AGBL4: variants seen among roughly 807,000 people sequenced by gnomAD.
The protein encoded by AGBL4 is AGBL carboxypeptidase 4.
A neutral mutation model predicts 66.4 loss-of-function variants in AGBL4; 58 were observed. The observed-to-expected ratio is 0.87, with a 90% CI of 0.71 to 1.09. The LOEUF is 1.09. Ranked by LOEUF, AGBL4 falls within the 50% of genes least tolerant of loss-of-function variation. AGBL4 has a pLI of 0.00. For missense variants in AGBL4, 579 were observed against 631.0 expected, an observed-to-expected ratio of 0.92 and a Z score of 0.88; for synonymous variants, 234 against 222.9, an observed-to-expected ratio of 1.05 and a Z score of -0.44.
intron 4 of AGBL4, among the ~76,000 whole-genome samples, chr1:49,067,898 C>A (rs927618192): frequency 6.0e-5 from 9 of 151,254 alleles, no homozygotes; most frequent in African/African-American, 9.7e-5. Context: ...TAATGCTATC[C>A]CTCCCCCAGC....
At chr1:48,804,636 T>G (rs1452175432) in intron 6 of AGBL4, among the ~76,000 whole-genome samples, 1 of 152,034 alleles carries the variant, frequency 6.6e-6, no homozygotes, top group Non-Finnish European at 1.5e-5. Flanking sequence ...AGAAGGGAGA[T>G]ATCATGGTGG....
rs370461228 is a variant in AGBL4 at position 49,809,642 on chromosome 1, A to T, written c.157+41754T>A. On this transcript the variant is annotated intron_variant, in intron 2 of 13. Coordinates refer to ENST00000371839, the MANE Select transcript of AGBL4 (RefSeq NM_032785.4). ...CGTATTGCACATTTAAAAATGTGTT[A>T]CAAGGGTAAGTCTCATGTTAATTGT... is the stretch of plus-strand genomic sequence containing the variant. 2.6e-5 allele frequency among the ~76,000 whole-genome samples: 4 copies of T among 152,328 alleles called. No individual in the cohort carries two copies. In the East Asian group the frequency reaches 7.7e-4, roughly 29 times the overall value.
chr1:49,751,843 G>A (rs938188237), intron 2 of AGBL4, among the ~76,000 whole-genome samples: 1 of 151,886 alleles, frequency 6.6e-6, no homozygotes. Context: ...ATTTCTTCTA[G>A]ATTTTCTGGT....
At chr1:49,810,867 T>G (rs1490755509) in intron 2 of AGBL4, among the ~76,000 whole-genome samples, 3 of 152,098 alleles carry the variant, frequency 2.0e-5, no homozygotes, top group Admixed American at 1.3e-4. Flanking sequence ...ATTGAAAAGG[T>G]AGACACCTGA....
At chr1:48,659,802 C>G (rs913244942) in intron 7 of AGBL4, among the ~76,000 whole-genome samples, 1 of 152,214 alleles carries the variant, frequency 6.6e-6, no homozygotes, top group South Asian at 2.1e-4. Context: ...GCCATGTGCT[C>G]CATTAGTGCT....
At chr1:48,942,373 C>G (rs1925423) in intron 5 of AGBL4, among the ~76,000 whole-genome samples, 1 of 151,376 alleles carries the variant, frequency 6.6e-6, no homozygotes, top group Non-Finnish European at 1.5e-5. Context: ...GATTTGAGTT[C>G]TAAATTAATA....
intron 4 of AGBL4, among the ~76,000 whole-genome samples, chr1:49,190,918 T>G (rs1318609575): frequency 6.6e-6 from 1 of 152,208 alleles, no homozygotes; most frequent in Non-Finnish European, 1.5e-5. Flanking sequence ...CTGCCTCTTT[T>G]GGAATTAATG....
intron 2 of AGBL4, among the ~76,000 whole-genome samples, chr1:49,731,458 C>T (rs566540166): frequency 6.0e-4 from 92 of 152,110 alleles, no homozygotes; most frequent in South Asian, 1.2e-3. Context: ...ACACAGCAGA[C>T]GAATAATAAA....
At chr1:49,309,023 G>T (rs1275218722) in intron 3 of AGBL4, among the ~76,000 whole-genome samples, 1 of 152,080 alleles carries the variant, frequency 6.6e-6, no homozygotes, top group Admixed American at 6.6e-5. Flanking sequence ...TTGACAGTTT[G>T]ATATTGACCA....
intron 4 of AGBL4, among the ~76,000 whole-genome samples, chr1:49,180,313 C>G (rs188998081): frequency 6.6e-6 from 1 of 152,158 alleles, no homozygotes; most frequent in Non-Finnish European, 1.5e-5. Flanking sequence ...TACTTATCAA[C>G]GACTAGCACA....
intron 5 of AGBL4, among the ~76,000 whole-genome samples, chr1:48,897,736 A>C (rs189588855): frequency 4.8e-5 from 7 of 146,852 alleles, no homozygotes; most frequent in African/African-American, 1.8e-4. Flanking sequence ...AATGTTGAGC[A>C]TTTTTTCATA....
In AGBL4 at chr1:48,871,398, T is replaced by C. The variant is rs928490540; in HGVS notation, c.595-4168A>G. On this transcript the variant is annotated intron_variant, in intron 5 of 13. Transcript: ENST00000371839. ...GTGTGTGTGTGTGTTTGTGTGTGTA[T>C]GTGCGTTTGGGGTCGGGGAGAGGAC... Among the ~76,000 whole-genome samples the C allele has an allele frequency of 2.0e-5, 3 of 151,910 alleles. No individual in the cohort carries two copies. In the East Asian group the frequency reaches 5.8e-4, roughly 29 times the overall value.
chr1:49,371,910 C>T (rs1368296009), intron 3 of AGBL4, among the ~76,000 whole-genome samples: 1 of 150,780 alleles, frequency 6.6e-6, no homozygotes, highest in Non-Finnish European at 1.5e-5. Context: ...GTGTCTCAGA[C>T]CTCCAAAAGG....
At chr1:49,090,658 T>G (rs1247419917) in intron 4 of AGBL4, among the ~76,000 whole-genome samples, 1 of 152,196 alleles carries the variant, frequency 6.6e-6, no homozygotes, top group East Asian at 1.9e-4. Flanking sequence ...GTGACCATAC[T>G]GCCCAAAGCA....
At chr1:49,347,255 T>TC (rs1383054305) in intron 3 of AGBL4, among the ~76,000 whole-genome samples, 7 of 145,344 alleles carry the variant, frequency 4.8e-5, no homozygotes, top group African/African-American at 1.3e-4. Flanking sequence ...TTTCTTTCTT[T>TC]TTTTTTTTTT....
At chr1:49,080,619 AAGTT>A (rs1644792853) in intron 4 of AGBL4, among the ~76,000 whole-genome samples, 1 of 151,446 alleles carries the variant, frequency 6.6e-6, no homozygotes, top group African/African-American at 2.4e-5. Context: ...ATAATGAAAA[AAGTT>A]AGAGAGAGGA....
intron 3 of AGBL4, among the ~76,000 whole-genome samples, chr1:49,659,306 C>A (rs757064658): frequency 6.6e-6 from 1 of 152,112 alleles, no homozygotes; most frequent in Non-Finnish European, 1.5e-5. Context: ...CAATTTCACA[C>A]ATAATAATAT....
chr1:49,534,907 A>G (rs1201181779), intron 3 of AGBL4, among the ~76,000 whole-genome samples: 2 of 152,272 alleles, frequency 1.3e-5, no homozygotes, highest in Non-Finnish European at 2.9e-5. Context: ...ACATTGAAAC[A>G]ATGATAAGAA....
intron 3 of AGBL4, among the ~76,000 whole-genome samples, chr1:49,486,416 T>C (rs929155419): frequency 6.6e-6 from 1 of 151,974 alleles, no homozygotes; most frequent in African/African-American, 2.4e-5. Context: ...CCACAAAGAA[T>C]CTTAAAAACT....
Sources: gnomAD v4.1 joint callset for allele counts (sites outside exome capture counted in the v4.1 genomes callset) on GRCh38, gnomAD v4.1.1 for gene constraint, MANE v1.5 for transcripts, NCBI Gene and HGNC (gene_info 2026-07-23, HGNC 2026-07-21) for gene names.